HEXB: variants seen among roughly 807,000 people sequenced by gnomAD.
The protein encoded by HEXB is beta-hexosaminidase subunit beta.
HEXB carries 51 observed loss-of-function variants against 71.2 expected under a neutral mutation model. The observed-to-expected ratio is 0.72, with a 90% confidence interval of 0.57 to 0.90. The LOEUF is 0.90. HEXB is among the 40% of genes least tolerant of loss of function. The pLI is 0.00. For missense variants in HEXB, 617 were observed against 677.0 expected (o/e 0.91, Z 0.98); for synonymous variants, 266 against 249.3 (o/e 1.07, Z -0.63).
At chr5:74,697,688 AC>A (rs1162051807) in intron 5 of HEXB, among the ~76,000 whole-genome samples, 1 of 135,012 alleles carries the variant, frequency 7.4e-6, no homozygotes, top group African/African-American at 2.8e-5. Context: ...AGATCGCACC[AC>A]CGCACTCCAG....
intron 1 of HEXB, among the ~76,000 whole-genome samples, chr5:74,650,746 C>A (rs916583815): frequency 6.6e-6 from 1 of 150,508 alleles, no homozygotes. Context: ...ACGGTGAAGT[C>A]CCATCTCTAC....
chr5:74,718,228 C>T, intron 9 of HEXB, 63 bp from the exon 10 acceptor site: 1 of 1,091,552 alleles, frequency 9.2e-7, no homozygotes, highest in Non-Finnish European at 1.4e-6. Flanking sequence ...AGAAAATGTA[C>T]ATGTTTTAAA....
Position 74,716,567 on chromosome 5 carries a change from T to G in HEXB, c.1083-20T>G. Reference sequence around the variant, plus strand: ...AGCATATCAAACTTCTAATGAAATTTTAATCACTTTTTGCTTCAGGGAATC... The same window carrying G: ...AGCATATCAAACTTCTAATGAAATTGTAATCACTTTTTGCTTCAGGGAATC... On this transcript the variant is annotated intron_variant, in intron 8 of 13. Coordinates refer to ENST00000261416, the MANE Select transcript of HEXB (RefSeq NM_000521.4). 6.7e-7 allele frequency: 1 copy of G among 1,501,160 alleles called. No homozygotes were observed. Among genetic ancestry groups the G allele is most frequent in the Non-Finnish European group, 9.3e-7 (1 of 1,080,718 alleles). The allele number at this position is 1,501,160 out of a possible 1,614,324, so 93.0% of individuals were successfully genotyped here.
At chr5:74,657,847 A>G (rs1748249866) in intron 1 of HEXB, among the ~76,000 whole-genome samples, 1 of 151,880 alleles carries the variant, frequency 6.6e-6, no homozygotes, top group South Asian at 2.1e-4. Context: ...AGCCTATGTT[A>G]CCCTTTTGTT....
intron 1 of HEXB, among the ~76,000 whole-genome samples, chr5:74,686,085 C>G (rs1419103150): frequency 6.6e-6 from 1 of 152,264 alleles, no homozygotes; most frequent in East Asian, 1.9e-4. Context: ...CTCCTAAAAT[C>G]TCTTCCATAT....
intron 1 of HEXB, among the ~76,000 whole-genome samples, chr5:74,671,182 G>C (rs1246301645): frequency 1.3e-5 from 2 of 152,128 alleles, no homozygotes; most frequent in African/African-American, 4.8e-5. Flanking sequence ...GCAACAAAGT[G>C]TTCCAAGACC....
At chr5:74,678,298 C>CATAAATAAATAAATAA (rs78230461) in intron 1 of HEXB, among the ~76,000 whole-genome samples, 1 of 145,100 alleles carries the variant, frequency 6.9e-6, no homozygotes, top group African/African-American at 2.5e-5. Context: ...AACTCCATCT[C>CATAAATAAATAAATAA]ATAAATAAAT....
At chr5:74,682,989 G>C (rs73117107), upstream of HEXB, among the ~76,000 whole-genome samples, 5,464 of 152,248 alleles carry the variant, frequency 0.036, 330 homozygotes, top group African/African-American at 0.13. Context: ...TTGATGTTTA[G>C]GTTTGATGCA....
In HEXB at chr5:74,685,326, G is replaced by A. The variant is rs1355564918; in HGVS notation, c.66G>A (p.Leu22=). ...TGCTGGCGCTGCTGTTGGCGACACT[G>A]CTGGCGGCGATGTTGGCGCTGCTGA... ...PMLLALLLAT[L]LAAMLALLTQ... The change falls in exon 1 of 14, where the codon CTG becomes CTA. Residue 22 remains leucine, a synonymous_variant. Transcript: ENST00000261416. 3 of 1,575,474 alleles carry A rather than the reference G, an allele frequency of 1.9e-6. No homozygotes were observed. Among genetic ancestry groups the A allele is most frequent in the Non-Finnish European group, 2.6e-6 (3 of 1,162,958 alleles).
At chr5:74,674,516 A>G (rs576511188) in intron 1 of HEXB, among the ~76,000 whole-genome samples, 6 of 150,316 alleles carry the variant, frequency 4.0e-5, no homozygotes, top group African/African-American at 1.5e-4. Context: ...AGGCAGGAGA[A>G]TGGCGTGAAC....
At chr5:74,675,014 A>G (rs1748606050) in intron 1 of HEXB, among the ~76,000 whole-genome samples, 1 of 152,200 alleles carries the variant, frequency 6.6e-6, no homozygotes, top group Admixed American at 6.5e-5. Context: ...CACCTGTCAA[A>G]ATGATAAGGA....
Position 74,715,689 on chromosome 5 carries a change from T to C in HEXB, c.1081T>C (p.Trp361Arg), listed in dbSNP as rs779364743. The C allele has an allele frequency of 1.9e-6, 3 of 1,593,300 alleles. No individual in the cohort carries two copies. Among genetic ancestry groups the C allele is most frequent in the African/African-American group, 2.7e-5 (2 of 74,196 alleles). Residue 361 changes from tryptophan (W) to arginine (R), a missense_variant and splice_region_variant, in exon 8 of 14, where the codon TGG becomes CGG. Transcript: ENST00000261416. ...LGGDEVEFKC[W>R]ESNPKIQDFM... ...AGGAGATGAAGTGGAATTTAAATGTTGGTAAGATGATTCCTTAAAACCCCT... is the reference window on the plus strand; with the variant it reads ...AGGAGATGAAGTGGAATTTAAATGTCGGTAAGATGATTCCTTAAAACCCCT...
chr5:74,699,357 C>T (rs2112146165), intron 5 of HEXB, among the ~76,000 whole-genome samples: 1 of 151,886 alleles, frequency 6.6e-6, no homozygotes, highest in African/African-American at 2.4e-5. Flanking sequence ...TCACTGCTAC[C>T]TCCGCCTCCT....
chr5:74,718,677 A>G, intron 10 of HEXB, 120 bp from the exon 11 acceptor site: 1 of 1,040,078 alleles, frequency 9.6e-7, no homozygotes, highest in Non-Finnish European at 1.5e-6. Flanking sequence ...GGAAAAAGAA[A>G]ATGCAGATTT....
At chr5:74,691,091 C>A (rs974292931) in intron 2 of HEXB, among the ~76,000 whole-genome samples, 1 of 152,126 alleles carries the variant, frequency 6.6e-6, no homozygotes, top group Non-Finnish European at 1.5e-5. Flanking sequence ...GTTCTACAAA[C>A]CCTCTTTATT....
At position 74,696,759 on chromosome 5, in the gene HEXB, G is replaced by A. The variant is rs1209810196; in HGVS notation, c.558+20G>A. On this transcript the variant is annotated intron_variant, in intron 4 of 13. Coordinates refer to ENST00000261416, the MANE Select transcript of HEXB (RefSeq NM_000521.4). ...GGAACTGTAAGTATGATTATTATAT[G>A]TTACTAAAAATTGTTAGACAAATTG... 7.8e-7 allele frequency: 1 copy of A among 1,278,864 alleles called. No individual in the cohort carries two copies. Among genetic ancestry groups the A allele is most frequent in the South Asian group, 1.2e-5 (1 of 82,810 alleles). 79.2% of individuals were successfully genotyped at this position (1,278,864 alleles called of 1,614,324 possible).
chr5:74,668,209 G>GT (rs71600431), intron 1 of HEXB, among the ~76,000 whole-genome samples: 39,720 of 147,634 alleles, frequency 0.27, 5,408 homozygotes, highest in Non-Finnish European at 0.3. Context: ...ATTTTATTTT[G>GT]TTTTTTTGTT....
At chr5:74,702,368 G>A (rs1227253249) in intron 5 of HEXB, among the ~76,000 whole-genome samples, 2 of 152,092 alleles carry the variant, frequency 1.3e-5, no homozygotes, top group Admixed American at 6.6e-5. Context: ...GTGAGCCACC[G>A]CGCCCGGCCT....
chr5:74,718,244 T>C (rs1223612528), intron 9 of HEXB, 47 bp from the exon 10 acceptor site: 2 of 1,198,770 alleles, frequency 1.7e-6, no homozygotes, highest in Non-Finnish European at 2.5e-6. Context: ...TTAAATATAT[T>C]GTTAAGCTTA....
Sources: gnomAD v4.1 joint callset for allele counts (sites outside exome capture counted in the v4.1 genomes callset) on GRCh38, gnomAD v4.1.1 for gene constraint, MANE v1.5 for transcripts, NCBI Gene and HGNC (gene_info 2026-07-23, HGNC 2026-07-21) for gene names.